Variants in LMX1A observed in about 807,000 individuals in gnomAD.
LMX1A encodes the protein LIM homeobox transcription factor 1 alpha.
A neutral mutation model predicts 49.1 loss-of-function variants in LMX1A; 15 were observed. The observed-to-expected ratio is 0.31, with a 90% CI of 0.20 to 0.47. The LOEUF is 0.47. Among genes scored for constraint, LMX1A ranks in the 20% least tolerant of loss-of-function variants. The pLI is 1.00. For synonymous variants in LMX1A, 167 were observed against 185.7 expected (o/e 0.90, Z 0.82); for missense variants, 372 against 475.8 (o/e 0.78, Z 2.03).
chr1:165,284,615 C>A (rs1030573528), intron 3 of LMX1A, among the ~76,000 whole-genome samples: 2 of 152,204 alleles, frequency 1.3e-5, no homozygotes, highest in Non-Finnish European at 2.9e-5. Flanking sequence ...CTGATATTAG[C>A]GAGCAGTGAT....
At chr1:165,253,525 G>T (rs1653129035) in intron 3 of LMX1A, among the ~76,000 whole-genome samples, 1 of 152,136 alleles carries the variant, frequency 6.6e-6, no homozygotes, top group Admixed American at 6.5e-5. Context: ...TTTGAGTGAA[G>T]GAAGGCAAGG....
chr1:165,247,054 CTTTTTT>C lies in LMX1A; in HGVS notation c.496+2348_496+2353del, dbSNP rs71097567. Among the ~76,000 whole-genome samples, 344 of 53,230 alleles carry C rather than the reference CTTTTTT, an allele frequency of 6.5e-3. 1 individual carries two copies. Among genetic ancestry groups the C allele is most frequent in the Non-Finnish European group, 8.8e-3 (267 of 30,478 alleles). The allele number at this position is 53,230 out of a possible 152,430, so 34.9% of individuals were successfully genotyped here. On this transcript the variant is annotated intron_variant, in intron 4 of 8. Transcript: ENST00000342310. ...GTTACTTAGATCAGATCAGCTTTTT[CTTTTTT>C]TTTTTTTTTTTTTTTTTTTTGCAGG... is the stretch of plus-strand genomic sequence containing the variant.
chr1:165,254,887 T>C (rs1331919090), intron 3 of LMX1A, among the ~76,000 whole-genome samples: 3 of 152,148 alleles, frequency 2.0e-5, no homozygotes, highest in Admixed American at 1.3e-4. Flanking sequence ...TGTCATAAAT[T>C]CTCCTACCCC....
rs746169094 is a variant in LMX1A, at chr1:165,249,639, G to A, written c.265C>T (p.Leu89=). The change falls in exon 4 of 9, where the codon CTG becomes TTG. Residue 89 remains leucine (L), a splice_region_variant and synonymous_variant. Transcript: ENST00000342310. ...CAGCCCCCACATTTAACAGCAAACA[G>A]CCTGGCAGCAGGGAGAAAGGAAGTA... The part of the protein sequence containing the change: ...KLYCKYDYEK[L]FAVKCGGCFE... The A allele has an allele frequency of 9.9e-6, 16 of 1,612,874 alleles. No individual in the cohort carries two copies. The South Asian group carries it at 1.5e-4, about 16-fold the overall frequency.
chr1:165,281,952 G>A (rs140992349), intron 3 of LMX1A, among the ~76,000 whole-genome samples: 2 of 152,250 alleles, frequency 1.3e-5, no homozygotes, highest in African/African-American at 2.4e-5. Context: ...GATCTCTTGT[G>A]ATCAATGACC....
At chr1:165,312,354 T>C (rs1230490838) in intron 3 of LMX1A, among the ~76,000 whole-genome samples, 1 of 152,356 alleles carries the variant, frequency 6.6e-6, no homozygotes, top group East Asian at 1.9e-4. Context: ...ATTGTGCTGT[T>C]ACTTTTAGTT....
intron 3 of LMX1A, among the ~76,000 whole-genome samples, chr1:165,284,525 A>C (rs1418965246): frequency 9.9e-5 from 15 of 152,194 alleles, no homozygotes; most frequent in Admixed American, 9.8e-4. Context: ...GGTCAGAGTT[A>C]ATTACAGCTA....
chr1:165,235,645 C>T lies in LMX1A; in HGVS notation c.496+13763G>A, dbSNP rs567114569. Reference sequence around the variant, plus strand: ...GCGGCGGCGCGGGGCGGCGCGGACCCGGGACGACCTCGCCGCGACCTGGCC... The same window carrying T: ...GCGGCGGCGCGGGGCGGCGCGGACCTGGGACGACCTCGCCGCGACCTGGCC... On this transcript the variant is annotated intron_variant, in intron 4 of 8. Coordinates refer to ENST00000342310, the MANE Select transcript of LMX1A (RefSeq NM_177398.4). Among the ~76,000 whole-genome samples the T allele has an allele frequency of 3.8e-3, 580 of 152,158 alleles. 4 individuals carry two copies. Among genetic ancestry groups the T allele is most frequent in the South Asian group, 9.7e-3 (47 of 4,822 alleles).
chr1:165,214,349 A>G (rs1651560291), intron 4 of LMX1A, among the ~76,000 whole-genome samples: 1 of 152,216 alleles, frequency 6.6e-6, no homozygotes, highest in South Asian at 2.1e-4. Flanking sequence ...TTCCCCAGCC[A>G]TGCAGAACTG....
At chr1:165,302,030 CAA>C (rs1442966043) in intron 3 of LMX1A, among the ~76,000 whole-genome samples, 1 of 152,148 alleles carries the variant, frequency 6.6e-6, no homozygotes, top group African/African-American at 2.4e-5. Context: ...TGCTCAACCA[CAA>C]TTAAGTGACT....
chr1:165,221,082 G>C (rs1651824456), intron 4 of LMX1A, among the ~76,000 whole-genome samples: 1 of 152,114 alleles, frequency 6.6e-6, no homozygotes, highest in African/African-American at 2.4e-5. Flanking sequence ...CAAGAAGAAA[G>C]TAAGGTGATC....
intron 4 of LMX1A, among the ~76,000 whole-genome samples, chr1:165,231,169 C>T (rs1571163786): frequency 6.6e-6 from 1 of 152,014 alleles, no homozygotes; most frequent in African/African-American, 2.4e-5. Context: ...ACTGTCTTAA[C>T]AAAGCAATTG....
At chr1:165,270,049 A>C (rs919730367) in intron 3 of LMX1A, among the ~76,000 whole-genome samples, 1 of 152,296 alleles carries the variant, frequency 6.6e-6, no homozygotes, top group East Asian at 1.9e-4. Context: ...AAAACTTAAA[A>C]AAAATATATT....
chr1:165,250,933 G>A (rs1463417324), intron 3 of LMX1A, among the ~76,000 whole-genome samples: 3 of 152,178 alleles, frequency 2.0e-5, no homozygotes, highest in Non-Finnish European at 4.4e-5. Flanking sequence ...CTGGAGCCAC[G>A]AACAGGCATG....
intron 4 of LMX1A, among the ~76,000 whole-genome samples, chr1:165,215,453 C>A (rs1452119537): frequency 6.6e-6 from 1 of 152,198 alleles, no homozygotes; most frequent in African/African-American, 2.4e-5. Context: ...CAATGGCTTT[C>A]CCACAGCTGT....
At chr1:165,284,179 G>A (rs1213440528) in intron 3 of LMX1A, among the ~76,000 whole-genome samples, 2 of 152,224 alleles carry the variant, frequency 1.3e-5, no homozygotes, top group African/African-American at 2.4e-5. Context: ...CGAGATGACT[G>A]TAATATCAGC....
At chr1:165,291,015 A>C (rs1654453388) in intron 3 of LMX1A, among the ~76,000 whole-genome samples, 1 of 152,184 alleles carries the variant, frequency 6.6e-6, no homozygotes, top group South Asian at 2.1e-4. Context: ...AATACTAACA[A>C]TTTATATACC....
Position 165,229,941 on chromosome 1 carries a change from C to T in LMX1A, c.497-16128G>A, listed in dbSNP as rs112469423. 6.6e-4 allele frequency among the ~76,000 whole-genome samples: 101 copies of T among 152,240 alleles called. 2 individuals carry two copies. The highest frequency in any genetic ancestry group is 2.3e-3 in the African/African-American group (95 of 41,540). ...CTCCCTGAAATTCATAGGTTGAAAT[C>T]CTAAGCTCTAATGTGATTGTTTTAA... On this transcript the variant is annotated intron_variant, in intron 4 of 8. Coordinates refer to ENST00000342310, the MANE Select transcript of LMX1A (RefSeq NM_177398.4).
intron 3 of LMX1A, among the ~76,000 whole-genome samples, chr1:165,266,641 G>A (rs1338000837): frequency 3.6e-5 from 4 of 112,342 alleles, no homozygotes; most frequent in African/African-American, 6.9e-5. Flanking sequence ...TCGCTCTCTC[G>A]CCCAGGTTGG....
Sources: gnomAD v4.1 joint callset for allele counts (sites outside exome capture counted in the v4.1 genomes callset) on GRCh38, gnomAD v4.1.1 for gene constraint, MANE v1.5 for transcripts, NCBI Gene and HGNC (gene_info 2026-07-23, HGNC 2026-07-21) for gene names.